The following GUCY1A2 variants were observed in gnomAD, a reference collection of about 807,000 sequenced individuals.
GUCY1A2 encodes guanylate cyclase 1 soluble subunit alpha 2, also known as guanylate cyclase soluble subunit alpha-2.
A neutral mutation model predicts 63.5 loss-of-function variants in GUCY1A2; 27 were observed. That is an observed-to-expected ratio of 0.43 (90% CI 0.31 to 0.59). The LOEUF (loss-of-function observed/expected upper bound fraction) is 0.59, where lower values mean the gene tolerates loss of function less well. GUCY1A2 is among the 20% of genes least tolerant of loss of function. The pLI is 0.11. For synonymous variants in GUCY1A2, 364 were observed against 343.5 expected (o/e 1.06, Z -0.66); for missense variants, 768 against 913.3 (o/e 0.84, Z 2.05).
intron 5 of GUCY1A2, among the ~76,000 whole-genome samples, chr11:106,781,137 A>G (rs938002227): frequency 4.6e-5 from 7 of 150,866 alleles, no homozygotes; most frequent in African/African-American, 1.7e-4. Flanking sequence ...AAAAAAAGAA[A>G]AACTGTCTAA....
At chr11:106,961,324 C>T (rs1861055077) in intron 3 of GUCY1A2, among the ~76,000 whole-genome samples, 1 of 151,934 alleles carries the variant, frequency 6.6e-6, no homozygotes, top group Admixed American at 6.6e-5. Context: ...GCACCAGAGA[C>T]TTAGTTTATT....
At position 106,807,580 on chromosome 11, in the gene GUCY1A2, C is replaced by G. The variant is rs184344554; in HGVS notation, c.1692+2413G>C. Among the ~76,000 whole-genome samples the G allele has an allele frequency of 7.2e-5, 11 of 152,256 alleles. No homozygotes were observed. In the East Asian group the frequency reaches 2.1e-3, roughly 29 times the overall value. ...CTGCCCTATACACCTATCCTAGATA[C>G]ATGTACTTACTAGCTGTGATAGTTA... On this transcript the variant is annotated intron_variant, in intron 5 of 7. Transcript: ENST00000526355.
chr11:106,868,368 G>A (rs911829287), intron 4 of GUCY1A2, among the ~76,000 whole-genome samples: 11 of 152,078 alleles, frequency 7.2e-5, no homozygotes, highest in Non-Finnish European at 1.6e-4. Flanking sequence ...CATCGTCTCA[G>A]CCCCAAATCT....
chr11:106,929,829 T>C (rs1380782665), intron 4 of GUCY1A2, among the ~76,000 whole-genome samples: 1 of 152,202 alleles, frequency 6.6e-6, no homozygotes, highest in Non-Finnish European at 1.5e-5. Context: ...TTTTGCCTTC[T>C]GAAACAAAAA....
intron 7 of GUCY1A2, among the ~76,000 whole-genome samples, chr11:106,693,168 C>T (rs1862655740): frequency 6.6e-6 from 1 of 152,174 alleles, no homozygotes; most frequent in Admixed American, 6.5e-5. Flanking sequence ...GAATCTGATG[C>T]ATCTTGTAGA....
chr11:106,993,215 G>T (rs540828514), intron 1 of GUCY1A2, among the ~76,000 whole-genome samples: 2 of 152,200 alleles, frequency 1.3e-5, no homozygotes, highest in East Asian at 3.9e-4. Flanking sequence ...CATCCTCCAG[G>T]TCACAAAGTG....
At position 106,696,075 on chromosome 11, in the gene GUCY1A2, A is replaced by T. The variant is rs1862713811; in HGVS notation, c.1992-8319T>A. ...TAGGTTCATACTCTGCATACCTGAT[A>T]CCTGCTAGAGAGTGTACATCTTCTG... On this transcript the variant is annotated intron_variant, in intron 7 of 7. Transcript: ENST00000526355. Among the ~76,000 whole-genome samples, 3 of 152,266 alleles carry T rather than the reference A, an allele frequency of 2.0e-5. No individual in the cohort carries two copies. In the South Asian group the frequency reaches 6.2e-4, roughly 32 times the overall value.
chr11:106,995,693 CTTGA>C lies in GUCY1A2; in HGVS notation c.304-9566_304-9563del, dbSNP rs1050484003. Among the ~76,000 whole-genome samples the C allele has an allele frequency of 3.2e-4, 49 of 152,324 alleles. 1 individual carries two copies. Among genetic ancestry groups the C allele is most frequent in the African/African-American group, 1.0e-3 (43 of 41,564 alleles). ...ATGATTAAACTCAATGTATAAATCT[CTTGA>C]TTATGAAGTAGTCAAAAAATTGCTA... On this transcript the variant is annotated intron_variant, in intron 1 of 7. Coordinates refer to ENST00000526355, the MANE Select transcript of GUCY1A2 (RefSeq NM_000855.3).
intron 4 of GUCY1A2, among the ~76,000 whole-genome samples, chr11:106,870,589 A>T (rs1859663469): frequency 6.6e-6 from 1 of 152,116 alleles, no homozygotes; most frequent in South Asian, 2.1e-4. Context: ...CTTGCTACAC[A>T]TCTAAAGTTT....
chr11:106,837,386 A>G (rs542432331), intron 4 of GUCY1A2, among the ~76,000 whole-genome samples: 4 of 151,918 alleles, frequency 2.6e-5, no homozygotes, highest in Non-Finnish European at 5.9e-5. Context: ...TCTTTATCCA[A>G]TCTGTCATTG....
chr11:107,011,079 C>G (rs79858462), intron 1 of GUCY1A2, among the ~76,000 whole-genome samples: 4,116 of 152,222 alleles, frequency 0.027, 168 homozygotes, highest in African/African-American at 0.091. Context: ...ACAAGTTAAA[C>G]ATAAGAATAT....
At chr11:107,008,664 C>T (rs1009900283) in intron 1 of GUCY1A2, among the ~76,000 whole-genome samples, 2 of 152,150 alleles carry the variant, frequency 1.3e-5, no homozygotes, top group Non-Finnish European at 2.9e-5. Context: ...GGATTTCCAT[C>T]TCAAAGAGGC....
chr11:106,908,627 C>T (rs1440797922), intron 4 of GUCY1A2, among the ~76,000 whole-genome samples: 2 of 151,896 alleles, frequency 1.3e-5, no homozygotes, highest in African/African-American at 4.8e-5. Flanking sequence ...AATATCATTA[C>T]TCAATTATCC....
chr11:106,826,191 T>C (rs1395029945), intron 4 of GUCY1A2, among the ~76,000 whole-genome samples: 15 of 152,234 alleles, frequency 9.9e-5, no homozygotes, highest in Admixed American at 3.9e-4. Flanking sequence ...AGTGTTGTAT[T>C]GGAAAGATAT....
chr11:106,839,150 G>A (rs1314629255), intron 4 of GUCY1A2, among the ~76,000 whole-genome samples: 1 of 151,944 alleles, frequency 6.6e-6, no homozygotes, highest in Non-Finnish European at 1.5e-5. Flanking sequence ...ATTAATTTTT[G>A]TATAAGGTGT....
intron 1 of GUCY1A2, among the ~76,000 whole-genome samples, chr11:107,004,285 G>A (rs1421902147): frequency 6.6e-6 from 1 of 152,134 alleles, no homozygotes; most frequent in Admixed American, 6.5e-5. Context: ...ATTTCCGTCA[G>A]TAATTAACTG....
intron 4 of GUCY1A2, among the ~76,000 whole-genome samples, chr11:106,820,912 A>T (rs922629942): frequency 1.3e-5 from 2 of 152,184 alleles, no homozygotes; most frequent in African/African-American, 4.8e-5. Context: ...AATACCAAAA[A>T]TATAGCCTTT....
At chr11:107,012,606 T>G (rs956646112) in intron 1 of GUCY1A2, among the ~76,000 whole-genome samples, 3 of 152,166 alleles carry the variant, frequency 2.0e-5, no homozygotes, top group African/African-American at 4.8e-5. Flanking sequence ...AAACCGAAAT[T>G]TGTCAGACTC....
At chr11:106,799,907 A>C (rs2135418039) in intron 5 of GUCY1A2, among the ~76,000 whole-genome samples, 1 of 152,344 alleles carries the variant, frequency 6.6e-6, no homozygotes, top group East Asian at 1.9e-4. Flanking sequence ...TAATTAAACT[A>C]AAGAGCTTCT....
Sources: allele counts gnomAD v4.1 joint callset (sites outside exome capture counted in the v4.1 genomes callset), GRCh38; gene constraint gnomAD v4.1.1; transcripts MANE v1.5; gene names NCBI Gene and HGNC (gene_info 2026-07-23, HGNC 2026-07-21).